EMCN: variants seen among roughly 807,000 people sequenced by gnomAD.
EMCN encodes endomucin, also known as MUC-14.
In EMCN, 37 loss-of-function variants were observed where a neutral mutation model predicts 38.4. The observed-to-expected ratio is 0.96, with a 90% CI of 0.74 to 1.27. EMCN has a LOEUF of 1.27. Ranked by LOEUF, EMCN falls within the 50% of genes most tolerant of loss-of-function variation. The pLI, the probability that EMCN is intolerant of heterozygous loss-of-function variation, is 0.00. For missense variants in EMCN, 318 were observed against 302.8 expected (o/e 1.05, Z -0.37); for synonymous variants, 95 against 100.8 (o/e 0.94, Z 0.35).
intron 5 of EMCN, among the ~76,000 whole-genome samples, chr4:100,431,501 C>A (rs1383546359): frequency 6.6e-6 from 1 of 152,126 alleles, no homozygotes; most frequent in Non-Finnish European, 1.5e-5. Flanking sequence ...TTCTGCCTGA[C>A]TCTCTTGAAC....
Position 100,421,367 on chromosome 4 carries a change from C to A in EMCN, c.579G>T (p.Leu193Phe). Reference protein sequence around the residue: ...ATSRSYSSIILPVVIALIVIT... With the variant: ...ATSRSYSSIIFPVVIALIVIT... ...TTACAATCAAAGCAATAACCACCGG[C>A]AAAATAATACCTAAAAAGAATTGGA... is the stretch of plus-strand genomic sequence containing the variant. Residue 193 changes from leucine to phenylalanine, a missense_variant, in exon 8 of 12, where the codon TTG becomes TTT. Leu to Phe is a conservative substitution (Grantham distance 22). Coordinates refer to ENST00000296420, the MANE Select transcript of EMCN (RefSeq NM_016242.4). 1 of 1,611,724 alleles carries A rather than the reference C, an allele frequency of 6.2e-7. No individual in the cohort carries two copies. Among genetic ancestry groups the A allele is most frequent in the East Asian group, 2.2e-5 (1 of 44,812 alleles).
In EMCN at chr4:100,479,348, T is replaced by C. The variant is rs182925966; in HGVS notation, c.187+569A>G. Reference sequence around the variant, plus strand: ...CAAGATGGGCAGATGCAGTATGCATTGCATTGATAATCTCTTGTTTTTTTT... The same window carrying C: ...CAAGATGGGCAGATGCAGTATGCATCGCATTGATAATCTCTTGTTTTTTTT... On this transcript the variant is annotated intron_variant, in intron 2 of 11. Coordinates refer to ENST00000296420, the MANE Select transcript of EMCN (RefSeq NM_016242.4). Among the ~76,000 whole-genome samples the C allele has an allele frequency of 1.1e-3, 174 of 152,288 alleles. 1 individual carries two copies. The highest frequency in any genetic ancestry group is 3.2e-3 in the Admixed American group (49 of 15,288).
At position 100,493,980 on chromosome 4, in the gene EMCN, C is replaced by A. The variant is rs183625816; in HGVS notation, c.65-13941G>T. On this transcript the variant is annotated intron_variant, in intron 1 of 11. Transcript: ENST00000296420. Reference sequence around the variant, plus strand: ...TACCTACAGAGTAGAGGATTTATAGCTCTTTGGTTCCAGGATATACCAGTT... The same window carrying A: ...TACCTACAGAGTAGAGGATTTATAGATCTTTGGTTCCAGGATATACCAGTT... Among the ~76,000 whole-genome samples, 8 of 152,266 alleles carry A rather than the reference C, an allele frequency of 5.3e-5. No homozygotes were observed. The East Asian group carries it at 9.6e-4, about 18-fold the overall frequency.
intron 5 of EMCN, among the ~76,000 whole-genome samples, chr4:100,442,523 G>A (rs1727551971): frequency 6.6e-6 from 1 of 151,310 alleles, no homozygotes; most frequent in African/African-American, 2.4e-5. Context: ...GAATGTGCTT[G>A]CTTAATGGTG....
At chr4:100,450,393 C>T (rs1309844165) in intron 4 of EMCN, among the ~76,000 whole-genome samples, 1 of 151,956 alleles carries the variant, frequency 6.6e-6, no homozygotes, top group African/African-American at 2.4e-5. Context: ...AAATCTTGAA[C>T]AGCAATACAA....
chr4:100,457,891 G>T (rs774855204), intron 4 of EMCN, among the ~76,000 whole-genome samples: 15 of 152,240 alleles, frequency 9.9e-5, no homozygotes, highest in Middle Eastern at 3.4e-3. Flanking sequence ...GGCTCAGGTG[G>T]GTGGATCATG....
At chr4:100,450,195 C>T (rs1424660296) in intron 4 of EMCN, among the ~76,000 whole-genome samples, 2 of 152,056 alleles carry the variant, frequency 1.3e-5, no homozygotes, top group African/African-American at 4.8e-5. Context: ...CTTAGTTAAC[C>T]ATTCTCAAAC....
intron 1 of EMCN, among the ~76,000 whole-genome samples, chr4:100,488,984 A>G (rs894032091): frequency 6.6e-6 from 1 of 152,232 alleles, no homozygotes; most frequent in Non-Finnish European, 1.5e-5. Context: ...ACATATAACA[A>G]TAATTACTTT....
intron 1 of EMCN, among the ~76,000 whole-genome samples, chr4:100,504,909 T>C (rs1729441190): frequency 6.6e-6 from 1 of 152,234 alleles, no homozygotes; most frequent in South Asian, 2.1e-4. Context: ...ATGCTGTGCT[T>C]CAGTGGTCAC....
intron 3 of EMCN, 73 bp downstream of exon 3, chr4:100,474,965 T>A (rs1728594444): frequency 1.3e-6 from 1 of 747,380 alleles, no homozygotes; most frequent in Non-Finnish European, 2.0e-6. Flanking sequence ...AATTGTACAC[T>A]TTAAAAGGGT....
intron 1 of EMCN, among the ~76,000 whole-genome samples, chr4:100,484,782 GA>G (rs1230026107): frequency 6.6e-6 from 1 of 152,114 alleles, no homozygotes; most frequent in East Asian, 1.9e-4. Flanking sequence ...GTATCCTAAT[GA>G]AATATAATCT....
chr4:100,447,600 A>T (rs1195656389), intron 4 of EMCN, 29 bp from the exon 5 acceptor site: 2 of 1,456,236 alleles, frequency 1.4e-6, no homozygotes, highest in African/African-American at 1.4e-5. Flanking sequence ...AAAAAAAATC[A>T]GTACAATTAA....
intron 5 of EMCN, among the ~76,000 whole-genome samples, chr4:100,425,555 T>C (rs1396071945): frequency 2.6e-5 from 4 of 152,106 alleles, no homozygotes; most frequent in African/African-American, 9.7e-5. Context: ...TGCCTGAGTT[T>C]CCACATATAT....
chr4:100,406,293 C>T (rs1453167823), intron 11 of EMCN, among the ~76,000 whole-genome samples: 1 of 151,834 alleles, frequency 6.6e-6, no homozygotes, highest in Non-Finnish European at 1.5e-5. Flanking sequence ...TTAGTTTGTT[C>T]TTATTTGTTT....
chr4:100,437,138 TATCACATA>T (rs1727377043), intron 5 of EMCN, among the ~76,000 whole-genome samples: 1 of 152,238 alleles, frequency 6.6e-6, no homozygotes, highest in African/African-American at 2.4e-5. Flanking sequence ...TGTGAGGTAG[TATCACATA>T]GTAGTTTTGA....
chr4:100,412,212 C>A (rs1726583244), intron 10 of EMCN, among the ~76,000 whole-genome samples: 1 of 152,050 alleles, frequency 6.6e-6, no homozygotes, highest in Non-Finnish European at 1.5e-5. Flanking sequence ...GAGAAATATG[C>A]ATTATTATTG....
chr4:100,481,044 C>T (rs933397112), intron 1 of EMCN, among the ~76,000 whole-genome samples: 7 of 151,916 alleles, frequency 4.6e-5, no homozygotes, highest in Admixed American at 2.6e-4. Flanking sequence ...CAAAATACAG[C>T]GAGCAAGTGT....
intron 4 of EMCN, among the ~76,000 whole-genome samples, chr4:100,461,976 T>C (rs1267794218): frequency 6.6e-6 from 1 of 152,076 alleles, no homozygotes; most frequent in East Asian, 1.9e-4. Flanking sequence ...GGAAAGGGAG[T>C]GGTGCTCTGC....
chr4:100,423,597 A>G (rs1021351927), intron 5 of EMCN, among the ~76,000 whole-genome samples, 193 bp from the exon 6 acceptor site: 1 of 152,160 alleles, frequency 6.6e-6, no homozygotes, highest in African/African-American at 2.4e-5. Context: ...TAAATTTAGA[A>G]TCACAAAGCC....
Sources: allele counts gnomAD v4.1 joint callset (sites outside exome capture counted in the v4.1 genomes callset), GRCh38; gene constraint gnomAD v4.1.1; transcripts MANE v1.5; gene names NCBI Gene and HGNC (gene_info 2026-07-23, HGNC 2026-07-21).